The following ZNF343 variants were observed in gnomAD, a reference collection of about 807,000 sequenced individuals.
ZNF343 encodes the protein zinc finger protein 343.
Under a neutral mutation model 13.8 loss-of-function variants are expected in ZNF343, and 11 were observed. That is an observed-to-expected ratio of 0.80 (90% CI 0.50 to 1.32). The LOEUF (loss-of-function observed/expected upper bound fraction) is 1.32, where lower values mean the gene tolerates loss of function less well. Among genes scored for constraint, ZNF343 ranks in the 40% most tolerant of loss-of-function variants. The pLI is 0.00. For synonymous variants in ZNF343, 248 were observed against 260.0 expected (o/e 0.95, Z 0.44); for missense variants, 658 against 714.2 (o/e 0.92, Z 0.90).
rs1354613609 is a variant in ZNF343 at position 2,493,002 on chromosome 20, A to G, written c.178-177T>C. 23 of 758,920 alleles carry G rather than the reference A, an allele frequency of 3.0e-5. No individual in the cohort carries two copies. In the Admixed American group the frequency reaches 6.4e-4, roughly 21 times the overall value. 47.0% of individuals were successfully genotyped at this position (758,920 alleles called of 1,614,324 possible). A position where few individuals can be genotyped will look rare whatever the true frequency, so the allele number is the denominator to read the frequency against. ...ACTGTCTGCCTGGCTTTCTGTTAAA[A>G]CCTGTGAGGAGCATAACTGAGCACA... On this transcript the variant is annotated intron_variant, in intron 4 of 5. Coordinates refer to ENST00000278772, the MANE Select transcript of ZNF343 (RefSeq NM_024325.6).
chr20:2,496,200 T>A (rs1316019336), intron 2 of ZNF343, among the ~76,000 whole-genome samples: 1 of 152,026 alleles, frequency 6.6e-6, no homozygotes, highest in African/African-American at 2.4e-5. Flanking sequence ...TTAAATCGAG[T>A]ATTTAAGGAA....
At chr20:2,489,752 G>C (rs538287673) in intron 5 of ZNF343, among the ~76,000 whole-genome samples, 3 of 152,274 alleles carry the variant, frequency 2.0e-5, no homozygotes, top group African/African-American at 7.2e-5. Context: ...TTATTAAACT[G>C]TCTCCCCTGT....
chr20:2,509,385 G>A (rs1600080764), upstream of ZNF343, among the ~76,000 whole-genome samples: 1 of 152,302 alleles, frequency 6.6e-6, no homozygotes, highest in Middle Eastern at 3.4e-3. Flanking sequence ...GGGCAAAGCC[G>A]CCTCCCAGCG....
chr20:2,513,141 G>A (rs1191918898), upstream of ZNF343, among the ~76,000 whole-genome samples: 5 of 151,966 alleles, frequency 3.3e-5, no homozygotes, highest in African/African-American at 4.8e-5. Flanking sequence ...AACTTTGTGC[G>A]CCAAAGGACA....
At chr20:2,522,255 C>G (rs2085785854) in intron 1 of ZNF343, among the ~76,000 whole-genome samples, 1 of 152,132 alleles carries the variant, frequency 6.6e-6, no homozygotes, top group African/African-American at 2.4e-5. Context: ...GGACATATTC[C>G]TTAATACTGC....
Position 2,518,683 on chromosome 20 carries a change from A to T in ZNF343, c.-347+5772T>A, listed in dbSNP as rs1189702623. 2.0e-5 allele frequency among the ~76,000 whole-genome samples: 3 copies of T among 152,040 alleles called. No individual in the cohort carries two copies. Among genetic ancestry groups the T allele is most frequent in the Non-Finnish European group, 4.4e-5 (3 of 68,008 alleles). On this transcript the variant is annotated intron_variant, in intron 1 of 6. Transcript: ENST00000358413. This position sits in a 1 kb window ranked among gnomAD's most constrained non-coding sequence, Gnocchi z 4.6. ...CACTTCCCTACACCACTTGCTTCAC[A>T]TCCACTCAATACCTATGCTCTGACA... is the stretch of plus-strand genomic sequence containing the variant.
upstream of ZNF343, among the ~76,000 whole-genome samples, chr20:2,511,117 CTT>C (rs111424405): frequency 8.4e-5 from 12 of 142,826 alleles, no homozygotes; most frequent in East Asian, 2.0e-4. Flanking sequence ...CTTTTCCTTT[CTT>C]TTTTTTTTTT....
At chr20:2,509,304 C>G (rs983792247), upstream of ZNF343, among the ~76,000 whole-genome samples, 36 of 152,176 alleles carry the variant, frequency 2.4e-4, no homozygotes, top group Non-Finnish European at 4.3e-4. Flanking sequence ...GGCTGAGGCT[C>G]CATAGCACGC....
At chr20:2,486,262 C>T (rs1205088059) in intron 5 of ZNF343, among the ~76,000 whole-genome samples, 1 of 152,140 alleles carries the variant, frequency 6.6e-6, no homozygotes, top group Non-Finnish European at 1.5e-5. Context: ...TAAAGGGACC[C>T]CATGTATACT....
chr20:2,490,487 TTGTG>T (rs1195173478), intron 5 of ZNF343, among the ~76,000 whole-genome samples: 1 of 152,096 alleles, frequency 6.6e-6, no homozygotes, highest in Non-Finnish European at 1.5e-5. Flanking sequence ...GGTCATTTGT[TTGTG>T]TGTGTGTTTG....
At position 2,488,247 on chromosome 20, in the gene ZNF343, C is replaced by T. The variant is rs537614789; in HGVS notation, c.305-3591G>A. On this transcript the variant is annotated intron_variant, in intron 5 of 5. Transcript: ENST00000278772. ...CCCCCATCCTATCCTAGTGTGTTTA[C>T]GGTTTAATTTTTTACATTTAGATCT... 5.9e-5 allele frequency among the ~76,000 whole-genome samples: 9 copies of T among 151,940 alleles called. No individual in the cohort carries two copies. The South Asian group carries it at 6.3e-4, about 11-fold the overall frequency.
At chr20:2,494,760 A>C (rs1195168478) in intron 2 of ZNF343, among the ~76,000 whole-genome samples, 1 of 133,624 alleles carries the variant, frequency 7.5e-6, no homozygotes, top group Non-Finnish European at 1.6e-5. Context: ...CAGGAGTAAG[A>C]CCCTGTCTCA....
intron 1 of ZNF343, among the ~76,000 whole-genome samples, chr20:2,521,878 G>C (rs755811895): frequency 6.6e-6 from 1 of 152,228 alleles, no homozygotes; most frequent in African/African-American, 2.4e-5. Flanking sequence ...CTTTATGCCA[G>C]GCCGGAGGGG....
At chr20:2,507,606 G>A (rs1432724384) in intron 1 of ZNF343, among the ~76,000 whole-genome samples, 2 of 152,186 alleles carry the variant, frequency 1.3e-5, no homozygotes, top group Non-Finnish European at 2.9e-5. Flanking sequence ...TTGAAGTCTA[G>A]CTGTGGAGCG....
chr20:2,483,571 G>C lies in ZNF343; in HGVS notation c.1390C>G (p.Pro464Ala), dbSNP rs149860498. 1.8e-5 allele frequency: 29 copies of C among 1,612,392 alleles called. No homozygotes were observed. Among genetic ancestry groups the C allele is most frequent in the Middle Eastern group, 1.7e-4 (1 of 6,056 alleles). Residue 464 changes from proline (P) to alanine (A), a missense_variant, in exon 6 of 6, where the codon CCT becomes GCT. By Grantham distance (27) the Pro-to-Ala change is conservative (BLOSUM62 -1). Coordinates refer to ENST00000278772, the MANE Select transcript of ZNF343 (RefSeq NM_024325.6). The stretch of plus-strand genomic sequence containing the variant: ...CGGCCACACTCACCACACACATAAG[G>C]CTTCTCTCCAGAGTGCGTCCGCTCG... ...IHERTHSGEK[P>A]YVCGECGRGF...
At chr20:2,522,287 C>T (rs2085786009) in intron 1 of ZNF343, among the ~76,000 whole-genome samples, 1 of 152,162 alleles carries the variant, frequency 6.6e-6, no homozygotes, top group Non-Finnish European at 1.5e-5. Flanking sequence ...TAAATTGGTT[C>T]TAACTCATTT....
chr20:2,501,094 T>C (rs932962118), intron 1 of ZNF343, among the ~76,000 whole-genome samples: 2 of 151,932 alleles, frequency 1.3e-5, no homozygotes, highest in Non-Finnish European at 2.9e-5. Context: ...CCTGGAAAAT[T>C]GGGTCACTCC....
At chr20:2,514,385 T>C (rs2085750485) in intron 1 of ZNF343, among the ~76,000 whole-genome samples, 1 of 152,194 alleles carries the variant, frequency 6.6e-6, no homozygotes, top group Non-Finnish European at 1.5e-5. Flanking sequence ...TGAGCTTGAA[T>C]CGCCTGTGTT....
In ZNF343 at chr20:2,483,453, C is replaced by G; in HGVS notation, c.1508G>C (p.Ser503Thr). 2 of 1,610,688 alleles carry G rather than the reference C, an allele frequency of 1.2e-6. No homozygotes were observed. Among genetic ancestry groups the G allele is most frequent in the Non-Finnish European group, 1.7e-6 (2 of 1,179,036 alleles). The change falls in exon 6 of 6, where the codon AGC (serine) becomes ACC (threonine). Residue 503 changes from serine to threonine, a missense_variant. By Grantham distance (58) the Ser-to-Thr change is moderately conservative. Transcript: ENST00000278772. ...GTGTCTGATGAGATTTGACTTCTGG[C>G]TAAAACCTCGCCTACACTCCCTGCA... is the stretch of plus-strand genomic sequence containing the variant. ...YVCRECRRGF[S>T]QKSNLIRHQR...
Sources: allele counts gnomAD v4.1 joint callset (sites outside exome capture counted in the v4.1 genomes callset), GRCh38; gene constraint gnomAD v4.1.1; non-coding constraint Gnocchi (gnomAD v3.1); transcripts MANE v1.5; gene names NCBI Gene and HGNC (gene_info 2026-07-23, HGNC 2026-07-21).